The following CPQ variants were observed in gnomAD, a reference collection of about 807,000 sequenced individuals.
CPQ encodes Ser-Met dipeptidase.
Under a neutral mutation model 45.7 loss-of-function variants are expected in CPQ, and 37 were observed. The ratio of observed to expected loss-of-function variants is 0.81; its 90% CI spans 0.62 to 1.07. CPQ has a LOEUF of 1.07. Ranked by LOEUF, CPQ falls within the 50% of genes least tolerant of loss-of-function variation. The pLI is 0.00. For synonymous variants in CPQ, 186 were observed against 205.8 expected (o/e 0.90, Z 0.82); for missense variants, 537 against 572.9 (o/e 0.94, Z 0.64).
intron 3 of CPQ, among the ~76,000 whole-genome samples, chr8:96,846,364 T>C (rs1341485688): frequency 6.6e-6 from 1 of 152,192 alleles, no homozygotes; most frequent in Non-Finnish European, 1.5e-5. Context: ...GTTCTTTATA[T>C]AATTTAGATA....
At chr8:96,698,058 C>A (rs1809408452) in intron 1 of CPQ, among the ~76,000 whole-genome samples, 1 of 151,618 alleles carries the variant, frequency 6.6e-6, no homozygotes, top group African/African-American at 2.4e-5. Context: ...CTATCCTGAA[C>A]AAAAGGAAAA....
intron 1 of CPQ, among the ~76,000 whole-genome samples, chr8:96,666,062 G>C (rs1392584602): frequency 1.3e-5 from 2 of 151,086 alleles, no homozygotes; most frequent in Admixed American, 6.6e-5. Flanking sequence ...TTTATTGTGG[G>C]GTTTGTGGGA....
chr8:96,647,911 GA>G (rs1815535577), intron 1 of CPQ, among the ~76,000 whole-genome samples: 2 of 152,180 alleles, frequency 1.3e-5, no homozygotes, highest in Non-Finnish European at 2.9e-5. Flanking sequence ...TTTGAACCAT[GA>G]GTGCTAAGCA....
chr8:96,839,838 T>C (rs918310864), intron 3 of CPQ, among the ~76,000 whole-genome samples: 1 of 152,236 alleles, frequency 6.6e-6, no homozygotes, highest in Non-Finnish European at 1.5e-5. Context: ...ACCAACTTTG[T>C]ACTATTCTAA....
At chr8:96,850,584 T>TTTTTTTTA (rs1554572916) in intron 3 of CPQ, among the ~76,000 whole-genome samples, 1,523 of 136,634 alleles carry the variant, frequency 0.011, 16 homozygotes, top group Non-Finnish European at 0.016. Context: ...TTTTATTTTA[T>TTTTTTTTA]TTTATTTATT....
At chr8:96,858,734 C>T (rs182253731) in intron 3 of CPQ, among the ~76,000 whole-genome samples, 19 of 152,238 alleles carry the variant, frequency 1.2e-4, no homozygotes, top group Middle Eastern at 6.8e-3. Flanking sequence ...TTTGATAATT[C>T]GTTGCTTTAA....
chr8:96,721,638 AC>A (rs1158161378), intron 1 of CPQ, among the ~76,000 whole-genome samples: 2 of 151,936 alleles, frequency 1.3e-5, no homozygotes, highest in African/African-American at 2.4e-5. Flanking sequence ...ACTTTTTGAA[AC>A]ACAAAAACAC....
intron 1 of CPQ, among the ~76,000 whole-genome samples, chr8:96,667,499 C>T (rs1014143989): frequency 5.3e-5 from 8 of 151,924 alleles, no homozygotes; most frequent in African/African-American, 1.9e-4. Flanking sequence ...CAGGTGTGTG[C>T]CACCACGCCT....
intron 4 of CPQ, among the ~76,000 whole-genome samples, chr8:96,936,583 A>C (rs985904473): frequency 6.6e-6 from 1 of 152,206 alleles, no homozygotes; most frequent in Non-Finnish European, 1.5e-5. Flanking sequence ...GTGCTGATTA[A>C]CTCAACCTCA....
intron 3 of CPQ, among the ~76,000 whole-genome samples, chr8:96,874,968 A>G (rs1812126310): frequency 6.6e-6 from 1 of 151,876 alleles, no homozygotes; most frequent in African/African-American, 2.4e-5. Context: ...AAGGATTCAA[A>G]TTTCTCCACA....
intron 7 of CPQ, among the ~76,000 whole-genome samples, chr8:97,082,307 C>T (rs945635527): frequency 1.3e-5 from 2 of 152,148 alleles, no homozygotes; most frequent in African/African-American, 4.8e-5. Context: ...TCTTTTCAGC[C>T]TCTTTAGCAC....
At chr8:96,792,573 TG>T (rs1810862507) in intron 2 of CPQ, among the ~76,000 whole-genome samples, 1 of 152,220 alleles carries the variant, frequency 6.6e-6, no homozygotes, top group South Asian at 2.1e-4. Flanking sequence ...TATTATGTTA[TG>T]TTTTATTGTA....
chr8:96,688,044 TC>T (rs1309286261), intron 1 of CPQ, among the ~76,000 whole-genome samples: 1 of 152,094 alleles, frequency 6.6e-6, no homozygotes, highest in Non-Finnish European at 1.5e-5. Context: ...AAAGAAAGTT[TC>T]CTATTGCTGA....
intron 3 of CPQ, among the ~76,000 whole-genome samples, chr8:96,879,055 G>C (rs1260721650): frequency 6.6e-6 from 1 of 152,200 alleles, no homozygotes; most frequent in Non-Finnish European, 1.5e-5. Flanking sequence ...AGTAGATACA[G>C]AGGTTGAATC....
intron 7 of CPQ, among the ~76,000 whole-genome samples, chr8:97,125,333 G>A (rs1436903400): frequency 1.3e-5 from 2 of 152,050 alleles, no homozygotes; most frequent in Non-Finnish European, 2.9e-5. Flanking sequence ...ATAATAACAT[G>A]ACTATGCAAA....
chr8:97,017,354 A>G (rs1404601435), intron 5 of CPQ, among the ~76,000 whole-genome samples: 1 of 152,190 alleles, frequency 6.6e-6, no homozygotes, highest in Non-Finnish European at 1.5e-5. Flanking sequence ...CACAGGGAGA[A>G]GGAAACCTCC....
At chr8:97,088,174 T>C (rs1399436330) in intron 7 of CPQ, among the ~76,000 whole-genome samples, 1 of 152,172 alleles carries the variant, frequency 6.6e-6, no homozygotes, top group African/African-American at 2.4e-5. Context: ...GAAATCACAG[T>C]GATGAAAGCA....
chr8:97,014,734 T>G (rs1185400078), intron 5 of CPQ, among the ~76,000 whole-genome samples: 1 of 152,050 alleles, frequency 6.6e-6, no homozygotes, highest in Non-Finnish European at 1.5e-5. Context: ...AAAATTACAT[T>G]AATTACTGGT....
chr8:96,747,203 A>C (rs1442139082), intron 1 of CPQ, among the ~76,000 whole-genome samples: 3 of 151,660 alleles, frequency 2.0e-5, no homozygotes, highest in African/African-American at 7.3e-5. Flanking sequence ...AGGCAGGAGA[A>C]TCGCTTGAAC....
Sources: gnomAD v4.1 joint callset for allele counts (sites outside exome capture counted in the v4.1 genomes callset) on GRCh38, gnomAD v4.1.1 for gene constraint, MANE v1.5 for transcripts, NCBI Gene and HGNC (gene_info 2026-07-23, HGNC 2026-07-21) for gene names.